Variants in PUDP observed in about 807,000 individuals in gnomAD.
The protein encoded by PUDP is pseudouridine-5'-phosphatase.
In PUDP, 8 loss-of-function variants were observed where a neutral mutation model predicts 9.4. The ratio of observed to expected loss-of-function variants is 0.85; its 90% CI spans 0.50 to 1.53. The LOEUF (loss-of-function observed/expected upper bound fraction) is 1.53. PUDP is among the 40% of genes most tolerant of loss of function. The probability of loss-of-function intolerance (pLI) is 0.00; values close to 1 mark genes in which losing one functional copy is unlikely to be tolerated. For missense variants in PUDP, 188 were observed against 189.7 expected (o/e 0.99, Z 0.05); for synonymous variants, 99 against 80.7 (o/e 1.23, Z -1.22).
At chrX:7,081,691 C>T (rs1931093177) in intron 2 of PUDP, among the ~76,000 whole-genome samples, 1 of 113,038 alleles carries the variant, frequency 8.8e-6, no homozygotes, top group South Asian at 3.6e-4. Context: ...AGACTATGAC[C>T]ACAGTCAGAG....
At chrX:6,995,835 C>T (rs1011668180) in intron 1 of PUDP, among the ~76,000 whole-genome samples, 3 of 107,710 alleles carry the variant, frequency 2.8e-5, no homozygotes, top group Admixed American at 1.0e-4. Context: ...CTTATAGCAT[C>T]AGCCAAATAT....
At chrX:6,814,392 C>T (rs1048424626) in intron 3 of PUDP, among the ~76,000 whole-genome samples, 12 of 111,231 alleles carry the variant, frequency 1.1e-4, no homozygotes, top group Admixed American at 2.9e-4. Context: ...ATCCCCATCT[C>T]CCAAATCGCC....
intron 3 of PUDP, among the ~76,000 whole-genome samples, chrX:7,055,756 C>T (rs1930223962): frequency 9.3e-6 from 1 of 108,044 alleles, no homozygotes; most frequent in Non-Finnish European, 1.9e-5. Context: ...ACAACTGTGT[C>T]TGGTAATCAC....
At chrX:6,765,282 A>AAAACAAAC (rs889121022) in intron 3 of PUDP, among the ~76,000 whole-genome samples, 1 of 110,937 alleles carries the variant, frequency 9.0e-6, no homozygotes, top group Non-Finnish European at 1.9e-5. Context: ...CCTGTCTCAA[A>AAAACAAAC]AAACAAACAA....
intron 3 of PUDP, among the ~76,000 whole-genome samples, chrX:6,803,279 T>C (rs761910198): frequency 4.5e-5 from 5 of 110,194 alleles, no homozygotes; most frequent in African/African-American, 1.3e-4. Context: ...ACCATAAGTA[T>C]CACACGGCAA....
intron 3 of PUDP, among the ~76,000 whole-genome samples, chrX:6,837,193 C>T (rs181212993): frequency 1.2e-4 from 13 of 112,403 alleles, no homozygotes; most frequent in African/African-American, 9.7e-5. Flanking sequence ...GTTGCCGTGA[C>T]GATCCTCCCT....
intron 1 of PUDP, among the ~76,000 whole-genome samples, chrX:7,016,822 G>C (rs1198094461): frequency 5.4e-5 from 6 of 111,022 alleles, no homozygotes; most frequent in Non-Finnish European, 9.4e-5. Context: ...TGCAAGCAAA[G>C]ACGTGGTGTT....
chrX:6,876,639 A>G (rs201707276), intron 3 of PUDP, among the ~76,000 whole-genome samples: 34 of 92,814 alleles, frequency 3.7e-4, no homozygotes, highest in African/African-American at 9.2e-4. Flanking sequence ...CTAAAATGTT[A>G]TGTGTGTGTG....
At chrX:6,850,274 C>T (rs953240039) in intron 3 of PUDP, among the ~76,000 whole-genome samples, 1 of 111,984 alleles carries the variant, frequency 8.9e-6, no homozygotes, top group Non-Finnish European at 1.9e-5. Flanking sequence ...ATAAAGTGCA[C>T]GTCAGTTGTT....
intron 1 of PUDP, among the ~76,000 whole-genome samples, chrX:7,001,427 T>C (rs1282973049): frequency 1.8e-5 from 2 of 111,143 alleles, no homozygotes; most frequent in Non-Finnish European, 3.8e-5. Context: ...TAGGGAAAAT[T>C]TGATTCTAAA....
intron 1 of PUDP, among the ~76,000 whole-genome samples, chrX:7,143,272 T>C (rs1333312472): frequency 3.6e-5 from 4 of 112,020 alleles, no homozygotes; most frequent in East Asian, 5.6e-4. Flanking sequence ...AAAAACTTCA[T>C]GTGACTAATT....
chrX:7,037,068 G>A (rs893839848), intron 1 of PUDP, among the ~76,000 whole-genome samples: 1 of 111,549 alleles, frequency 9.0e-6, no homozygotes, highest in Non-Finnish European at 1.9e-5. Context: ...AAGGCCCCCG[G>A]CTGGCTCCAC....
intron 3 of PUDP, among the ~76,000 whole-genome samples, chrX:7,076,813 G>A (rs946599618): frequency 8.9e-6 from 1 of 112,146 alleles, no homozygotes; most frequent in Non-Finnish European, 1.9e-5. Context: ...GTTGGGGAGG[G>A]GAAGTGAGTT....
chrX:6,978,658 A>T (rs191883225), intron 1 of PUDP, among the ~76,000 whole-genome samples: 1 of 112,548 alleles, frequency 8.9e-6, no homozygotes, highest in East Asian at 2.8e-4. Context: ...AAATAAAAGA[A>T]TAACTAAAAA....
chrX:7,064,032 C>T (rs1930478341), intron 3 of PUDP, among the ~76,000 whole-genome samples: 1 of 112,056 alleles, frequency 8.9e-6, no homozygotes, highest in Non-Finnish European at 1.9e-5. Flanking sequence ...CTATGAATGG[C>T]TGCGTAATTC....
At chrX:6,751,168 A>G (rs1925074336) in intron 3 of PUDP, among the ~76,000 whole-genome samples, 1 of 110,472 alleles carries the variant, frequency 9.1e-6, no homozygotes, top group Non-Finnish European at 1.9e-5. Flanking sequence ...GAAAAAAGAA[A>G]GAAAGAAAGA....
chrX:7,098,437 T>C (rs1419533903), intron 2 of PUDP, among the ~76,000 whole-genome samples: 2 of 111,096 alleles, frequency 1.8e-5, no homozygotes, highest in African/African-American at 6.6e-5. Flanking sequence ...CCTAATCCCA[T>C]CCATGAGGCT....
At chrX:7,137,779 C>T (rs772130625) in intron 1 of PUDP, among the ~76,000 whole-genome samples, 22 of 112,201 alleles carry the variant, frequency 2.0e-4, no homozygotes, top group African/African-American at 4.9e-4. Flanking sequence ...ACCTTCTCTT[C>T]GAAGGGTGCA....
chrX:6,854,910 A>G (rs756784507), intron 3 of PUDP, among the ~76,000 whole-genome samples: 1 of 111,755 alleles, frequency 8.9e-6, no homozygotes, highest in East Asian at 2.8e-4. Context: ...AAAGTTAAAG[A>G]AGATAAATGT....
Sources: gnomAD v4.1 joint callset for allele counts (sites outside exome capture counted in the v4.1 genomes callset) on GRCh38, gnomAD v4.1.1 for gene constraint, MANE v1.5 for transcripts, NCBI Gene and HGNC (gene_info 2026-07-23, HGNC 2026-07-21) for gene names.